CSGALNACT1: variants seen among roughly 807,000 people sequenced by gnomAD.
CSGALNACT1 encodes the protein chondroitin sulfate N-acetylgalactosaminyltransferase 1.
Under a neutral mutation model 51.0 loss-of-function variants are expected in CSGALNACT1, and 52 were observed. That is an observed-to-expected ratio of 1.02 (90% CI 0.82 to 1.29). The LOEUF (loss-of-function observed/expected upper bound fraction) is 1.29. Ranked by LOEUF, CSGALNACT1 falls within the 50% of genes most tolerant of loss-of-function variation. The pLI is 0.00. For synonymous variants in CSGALNACT1, 341 were observed against 254.4 expected (o/e 1.34, Z -3.24); for missense variants, 935 against 679.2 (o/e 1.38, Z -4.19).
At chr8:19,665,619 G>A (rs2059120084) in intron 1 of CSGALNACT1, among the ~76,000 whole-genome samples, 1 of 152,166 alleles carries the variant, frequency 6.6e-6, no homozygotes, top group South Asian at 2.1e-4. Flanking sequence ...TCACTGACTT[G>A]CAAGCCTGGG....
At chr8:19,473,187 G>A (rs1424443156) in intron 4 of CSGALNACT1, among the ~76,000 whole-genome samples, 5 of 152,158 alleles carry the variant, frequency 3.3e-5, no homozygotes, top group African/African-American at 4.8e-5. Context: ...AAAAGCCTCA[G>A]GATATACAAA....
At chr8:19,588,387 T>C (rs985875447) in intron 3 of CSGALNACT1, among the ~76,000 whole-genome samples, 1 of 152,238 alleles carries the variant, frequency 6.6e-6, no homozygotes, top group Non-Finnish European at 1.5e-5. Context: ...AATATGATTT[T>C]TTCTGTAGAG....
At chr8:19,435,181 T>C (rs952584122) in intron 6 of CSGALNACT1, among the ~76,000 whole-genome samples, 2 of 152,204 alleles carry the variant, frequency 1.3e-5, no homozygotes, top group African/African-American at 2.4e-5. Context: ...TCAATGCCAA[T>C]TCATCTATCA....
intron 2 of CSGALNACT1, among the ~76,000 whole-genome samples, chr8:19,592,701 C>A (rs1047400082): frequency 6.6e-6 from 1 of 152,128 alleles, no homozygotes; most frequent in Admixed American, 6.5e-5. Flanking sequence ...CTGCAGTGAG[C>A]CAAGATCGCA....
chr8:19,642,938 G>A (rs1285020281), intron 1 of CSGALNACT1, among the ~76,000 whole-genome samples: 3 of 152,090 alleles, frequency 2.0e-5, no homozygotes, highest in Non-Finnish European at 2.9e-5. Context: ...TAAATTTCAT[G>A]TAAATAATAC....
At chr8:19,629,296 G>A (rs1018864199) in intron 1 of CSGALNACT1, among the ~76,000 whole-genome samples, 1 of 152,156 alleles carries the variant, frequency 6.6e-6, no homozygotes, top group South Asian at 2.1e-4. Context: ...CATTCAAGAA[G>A]GAAAAAACAA....
chr8:19,638,485 G>A (rs886280681), intron 1 of CSGALNACT1, among the ~76,000 whole-genome samples: 3 of 152,088 alleles, frequency 2.0e-5, no homozygotes, highest in African/African-American at 7.2e-5. Flanking sequence ...CTGGTTCTCA[G>A]CAGCATTACA....
intron 2 of CSGALNACT1, among the ~76,000 whole-genome samples, chr8:19,597,563 C>A (rs922942642): frequency 6.6e-6 from 1 of 152,072 alleles, no homozygotes; most frequent in Non-Finnish European, 1.5e-5. Flanking sequence ...ACCTCACCTC[C>A]CAGAGTGTTC....
chr8:19,712,056 C>T (rs1168724810), intron 1 of CSGALNACT1, among the ~76,000 whole-genome samples: 1 of 151,998 alleles, frequency 6.6e-6, no homozygotes. Context: ...GACAGAGTCT[C>T]GCTCTGTCAT....
intron 1 of CSGALNACT1, among the ~76,000 whole-genome samples, chr8:19,672,935 A>C (rs892831773): frequency 1.3e-5 from 2 of 152,342 alleles, no homozygotes; most frequent in East Asian, 1.9e-4. Context: ...CTGTTTAGCC[A>C]ATGGAAACCT....
At chr8:19,566,523 T>G (rs1286551395) in intron 3 of CSGALNACT1, among the ~76,000 whole-genome samples, 2 of 152,236 alleles carry the variant, frequency 1.3e-5, no homozygotes, top group Non-Finnish European at 2.9e-5. Flanking sequence ...CTGCTTAATA[T>G]GTGCTACACA....
At chr8:19,509,656 C>A in intron 3 of CSGALNACT1, among the ~76,000 whole-genome samples, 2 of 147,488 alleles carry the variant, frequency 1.4e-5, no homozygotes, top group South Asian at 2.2e-4. Flanking sequence ...AAATGGGTGT[C>A]ACCACCTCTG....
At position 19,662,058 on chromosome 8, in the gene CSGALNACT1, GCCCCCACCCCCCCCCACCC is replaced by G. The variant is rs1197794576; in HGVS notation, c.-544+20396_-544+20414del. Among the ~76,000 whole-genome samples the G allele has an allele frequency of 4.2e-3, 144 of 33,950 alleles. 7 individuals carry two copies. Among genetic ancestry groups the G allele is most frequent in the Non-Finnish European group, 5.7e-3 (91 of 15,894 alleles). The allele number at this position is 33,950 out of a possible 152,430, so 22.3% of individuals were successfully genotyped here. On this transcript the variant is annotated intron_variant, in intron 1 of 9. Coordinates refer to the CSGALNACT1 transcript ENST00000332246. Reference sequence around the variant, plus strand: ...CAACCCCTTTCCCACTATTACAGTTGCCCCCACCCCCCCCCACCCCCCCCCCCCCCCGCATCTTCAGCAG... The same window carrying G: ...CAACCCCTTTCCCACTATTACAGTTGCCCCCCCCCCCCGCATCTTCAGCAG...
At chr8:19,664,876 G>C (rs952758235) in intron 1 of CSGALNACT1, among the ~76,000 whole-genome samples, 1 of 152,176 alleles carries the variant, frequency 6.6e-6, no homozygotes, top group Admixed American at 6.5e-5. Context: ...ATAGACATTG[G>C]AGATTACTAA....
intron 1 of CSGALNACT1, among the ~76,000 whole-genome samples, chr8:19,611,075 T>C (rs760729672): frequency 7.2e-5 from 11 of 152,228 alleles, no homozygotes; most frequent in Non-Finnish European, 1.6e-4. Flanking sequence ...AAGAGAACTT[T>C]TCCCGTTTCA....
Position 19,570,050 on chromosome 8 carries a change from G to A in CSGALNACT1, c.-297+21110C>T, listed in dbSNP as rs1163175849. Among the ~76,000 whole-genome samples, 3 of 151,922 alleles carry A rather than the reference G, an allele frequency of 2.0e-5. No homozygotes were observed. In the East Asian group the frequency reaches 5.8e-4, roughly 29 times the overall value. On this transcript the variant is annotated intron_variant, in intron 3 of 9. Coordinates refer to ENST00000454498, the Ensembl canonical transcript of CSGALNACT1. ...AGGTCCAAATAGTGGCACGCTTTGG[G>A]GCAGGGGATGTTAAATGGAAGGGAG...
upstream of CSGALNACT1, chr8:19,682,591 A>C: frequency 2.2e-6 from 1 of 453,812 alleles, no homozygotes; most frequent in South Asian, 1.6e-5. Context: ...GAGAGCACTC[A>C]CTGATGTACA....
chr8:19,458,276 A>C (rs1434053281), intron 5 of CSGALNACT1, 150 bp downstream of exon 4: 1 of 810,514 alleles, frequency 1.2e-6, no homozygotes, highest in East Asian at 2.5e-5. Flanking sequence ...GGCAAATACA[A>C]ATGATAAACT....
intron 4 of CSGALNACT1, among the ~76,000 whole-genome samples, chr8:19,470,146 C>T (rs1362046128): frequency 6.6e-6 from 1 of 152,070 alleles, no homozygotes; most frequent in Non-Finnish European, 1.5e-5. Flanking sequence ...CCTACAACCC[C>T]GCAAAGTACT....
Sources: allele counts gnomAD v4.1 joint callset (sites outside exome capture counted in the v4.1 genomes callset), GRCh38; gene constraint gnomAD v4.1.1; transcripts MANE v1.5; gene names NCBI Gene and HGNC (gene_info 2026-07-23, HGNC 2026-07-21).